Variants in SUSD5 observed in about 807,000 individuals in gnomAD.
SUSD5 encodes the protein sushi domain containing 5.
A neutral mutation model predicts 29.5 loss-of-function variants in SUSD5; 33 were observed. That is an observed-to-expected ratio of 1.12 (90% CI 0.85 to 1.49). SUSD5 has a LOEUF of 1.49. Ranked by LOEUF, SUSD5 falls within the 40% of genes most tolerant of loss-of-function variation. The pLI is 0.00. For missense variants in SUSD5, 776 were observed against 800.6 expected, an observed-to-expected ratio of 0.97 and a Z score of 0.37; for synonymous variants, 308 against 325.3, an observed-to-expected ratio of 0.95 and a Z score of 0.57.
intron 1 of SUSD5, among the ~76,000 whole-genome samples, chr3:33,214,725 T>C (rs75833517): frequency 6.1e-4 from 93 of 152,108 alleles, no homozygotes; most frequent in African/African-American, 1.9e-3. Context: ...GTGTGATTAA[T>C]GGGGGGATGG....
intron 4 of SUSD5, among the ~76,000 whole-genome samples, chr3:33,166,076 T>G (rs1013244353): frequency 1.3e-5 from 2 of 152,016 alleles, no homozygotes; most frequent in East Asian, 3.9e-4. Flanking sequence ...GTGTTACTTA[T>G]GTTAAGCTGT....
At chr3:33,193,685 G>A (rs1448625737) in intron 3 of SUSD5, among the ~76,000 whole-genome samples, 1 of 152,108 alleles carries the variant, frequency 6.6e-6, no homozygotes, top group African/African-American at 2.4e-5. Flanking sequence ...AACCACCTTT[G>A]CAAAAAGTAT....
chr3:33,170,076 G>A (rs901022305), intron 4 of SUSD5, among the ~76,000 whole-genome samples: 6 of 151,970 alleles, frequency 3.9e-5, no homozygotes, highest in South Asian at 4.2e-4. Context: ...ATGCCACCAC[G>A]CCCAGCTAAT....
chr3:33,212,985 A>G, intron 2 of SUSD5, among the ~76,000 whole-genome samples: 1 of 152,222 alleles, frequency 6.6e-6, no homozygotes, highest in East Asian at 1.9e-4. Context: ...GGGATAAAGA[A>G]TGTATACCAA....
At chr3:33,162,949 TA>T (rs1481545391) in intron 4 of SUSD5, among the ~76,000 whole-genome samples, 2 of 145,628 alleles carry the variant, frequency 1.4e-5, no homozygotes, top group Non-Finnish European at 3.0e-5. Context: ...TCCAGGAAAC[TA>T]AAAATTCTGA....
chr3:33,169,473 G>C (rs951290053), intron 4 of SUSD5, among the ~76,000 whole-genome samples: 1 of 151,902 alleles, frequency 6.6e-6, no homozygotes, highest in Non-Finnish European at 1.5e-5. Flanking sequence ...CACCCGCCTC[G>C]GCCTCCCAAA....
intron 3 of SUSD5, among the ~76,000 whole-genome samples, chr3:33,188,555 C>T (rs2031824342): frequency 6.6e-6 from 1 of 152,128 alleles, no homozygotes; most frequent in African/African-American, 2.4e-5. Context: ...GCTGAGGCCC[C>T]AAAATTTGTA....
At chr3:33,203,182 G>T (rs949318291) in intron 3 of SUSD5, among the ~76,000 whole-genome samples, 1 of 152,200 alleles carries the variant, frequency 6.6e-6, no homozygotes, top group Non-Finnish European at 1.5e-5. Context: ...ACTCTACTGA[G>T]GAAAAGCAGC....
intron 2 of SUSD5, among the ~76,000 whole-genome samples, chr3:33,209,181 C>T (rs2032277116): frequency 2.0e-5 from 3 of 152,144 alleles, no homozygotes; most frequent in Admixed American, 2.0e-4. Context: ...CCTTTAAAGA[C>T]AATCTCAGCA....
intron 4 of SUSD5, among the ~76,000 whole-genome samples, chr3:33,172,180 AAC>A (rs10576154): frequency 0.15 from 22,607 of 148,202 alleles, 1,677 homozygotes; most frequent in Non-Finnish European, 0.17. Context: ...ACTCTTGTAA[AAC>A]ACACACACAC....
At chr3:33,207,171 T>C (rs1418967566) in intron 3 of SUSD5, among the ~76,000 whole-genome samples, 3 of 152,242 alleles carry the variant, frequency 2.0e-5, no homozygotes, top group Non-Finnish European at 4.4e-5. Flanking sequence ...AGCAGTTCCC[T>C]AAATCTTATA....
intron 3 of SUSD5, among the ~76,000 whole-genome samples, chr3:33,193,055 T>C (rs1181515362): frequency 6.6e-6 from 1 of 152,084 alleles, no homozygotes; most frequent in Non-Finnish European, 1.5e-5. Flanking sequence ...TCCTACATTA[T>C]TGAAATAATA....
intron 2 of SUSD5, among the ~76,000 whole-genome samples, chr3:33,213,660 G>A (rs1251401311): frequency 6.6e-6 from 1 of 151,836 alleles, no homozygotes; most frequent in Non-Finnish European, 1.5e-5. Context: ...TGTAATCCCA[G>A]CTACTCGGGA....
At chr3:33,207,733 C>A in intron 3 of SUSD5, 75 bp downstream of exon 3, 1 of 984,174 alleles carries the variant, frequency 1.0e-6, no homozygotes, top group South Asian at 1.6e-5. Context: ...AGGTTTTCTT[C>A]TAGAGAAACC....
intron 1 of SUSD5, 67 bp from the exon 2 acceptor site, chr3:33,214,172 T>C (rs763741306): frequency 2.7e-6 from 4 of 1,476,198 alleles, no homozygotes; most frequent in Non-Finnish European, 3.6e-6. Flanking sequence ...TCAGCAAACA[T>C]CCTCTGGCAG....
At chr3:33,180,015 C>G (rs2031635961) in intron 3 of SUSD5, among the ~76,000 whole-genome samples, 1 of 152,186 alleles carries the variant, frequency 6.6e-6, no homozygotes, top group Admixed American at 6.5e-5. Context: ...AAGTATAGCA[C>G]ATACAATTAT....
In SUSD5 at chr3:33,155,540, C is replaced by A. The variant is rs189405753; in HGVS notation, c.599-1507G>T. Among the ~76,000 whole-genome samples, 12 of 152,320 alleles carry A rather than the reference C, an allele frequency of 7.9e-5. No homozygotes were observed. The East Asian group carries it at 2.3e-3, about 29-fold the overall frequency. Reference sequence around the variant, plus strand: ...AACATATGGATGCTCCATGACACAGCAATTCCACTCCTAAATATATACACT... The same window carrying A: ...AACATATGGATGCTCCATGACACAGAAATTCCACTCCTAAATATATACACT... On this transcript the variant is annotated intron_variant, in intron 4 of 4. Transcript: ENST00000309558.
intron 2 of SUSD5, among the ~76,000 whole-genome samples, chr3:33,212,166 C>G (rs939260365): frequency 2.0e-5 from 3 of 152,134 alleles, no homozygotes; most frequent in Non-Finnish European, 2.9e-5. Flanking sequence ...GATCTGATCA[C>G]TCTCAATTAT....
chr3:33,215,110 T>A (rs552751665), intron 1 of SUSD5, among the ~76,000 whole-genome samples: 3 of 151,682 alleles, frequency 2.0e-5, no homozygotes, highest in South Asian at 2.1e-4. Flanking sequence ...CAAAAAAAAA[T>A]TTTAAATAAA....
Sources: gnomAD v4.1 joint callset for allele counts (sites outside exome capture counted in the v4.1 genomes callset) on GRCh38, gnomAD v4.1.1 for gene constraint, MANE v1.5 for transcripts, NCBI Gene and HGNC (gene_info 2026-07-23, HGNC 2026-07-21) for gene names.